The following COL4A6 variants were observed in gnomAD, a reference collection of about 807,000 sequenced individuals.
COL4A6 encodes the protein collagen type IV alpha 6 chain, also known as collagen alpha-6(IV) chain.
In COL4A6, 59 loss-of-function variants were observed where a neutral mutation model predicts 126.7. The ratio of observed to expected loss-of-function variants is 0.47; its 90% CI spans 0.38 to 0.58. The LOEUF is 0.58. COL4A6 is among the 20% of genes least tolerant of loss of function. The pLI is 0.00. For missense variants in COL4A6, 1,285 were observed against 1,337.3 expected (o/e 0.96, Z 0.61); for synonymous variants, 547 against 496.6 (o/e 1.10, Z -1.35).
chrX:108,328,435 AAG>A (rs1188097578), intron 2 of COL4A6, among the ~76,000 whole-genome samples: 1 of 109,755 alleles, frequency 9.1e-6, no homozygotes, highest in East Asian at 2.9e-4. Context: ...GAGGGAGAGA[AAG>A]AGAGAGAGAG....
At chrX:108,421,144 G>A (rs1290031988) in intron 2 of COL4A6, among the ~76,000 whole-genome samples, 1 of 112,111 alleles carries the variant, frequency 8.9e-6, no homozygotes, top group African/African-American at 3.2e-5. Flanking sequence ...AGGACATTGA[G>A]GCAGTATTTG....
At chrX:108,433,255 C>G (rs1384890293) in intron 2 of COL4A6, among the ~76,000 whole-genome samples, 1 of 111,747 alleles carries the variant, frequency 8.9e-6, no homozygotes, top group Non-Finnish European at 1.9e-5. Context: ...GATAATTGCT[C>G]TTAGCTAATT....
At chrX:108,344,051 G>C in intron 2 of COL4A6, among the ~76,000 whole-genome samples, 1 of 110,965 alleles carries the variant, frequency 9.0e-6, no homozygotes, top group Admixed American at 9.6e-5. Context: ...GTTGTAGTTA[G>C]TAAGTATTGT....
intron 3 of COL4A6, among the ~76,000 whole-genome samples, chrX:108,243,646 T>C (rs2036635750): frequency 8.9e-6 from 1 of 111,987 alleles, no homozygotes; most frequent in Non-Finnish European, 1.9e-5. Flanking sequence ...GGCCTGGACA[T>C]TGGGGTTTTT....
At chrX:108,438,079 C>G in intron 1 of COL4A6, 86 bp from the exon 2 acceptor site, 1 of 1,199,291 alleles carries the variant, frequency 8.3e-7, no homozygotes, top group Non-Finnish European at 1.1e-6. Context: ...CTTTTGGATG[C>G]CTGCTCCCAA....
At chrX:108,250,306 A>G (rs759527649) in intron 3 of COL4A6, among the ~76,000 whole-genome samples, 6 of 110,566 alleles carry the variant, frequency 5.4e-5, no homozygotes, top group African/African-American at 1.6e-4. Flanking sequence ...GAAGGGGCCG[A>G]GTGAGAAAAC....
chrX:108,401,013 G>A (rs2148205519), intron 2 of COL4A6, among the ~76,000 whole-genome samples: 1 of 111,320 alleles, frequency 9.0e-6, no homozygotes, highest in Non-Finnish European at 1.9e-5. Context: ...TCAAGGTTTT[G>A]TCTCTCACAT....
At chrX:108,331,732 G>A (rs945921960) in intron 2 of COL4A6, among the ~76,000 whole-genome samples, 4 of 111,468 alleles carry the variant, frequency 3.6e-5, no homozygotes, top group African/African-American at 1.3e-4. Flanking sequence ...AAGGCAGTTT[G>A]GAGACAGAAT....
chrX:108,427,538 C>A (rs1185899970), intron 2 of COL4A6, among the ~76,000 whole-genome samples: 1 of 111,529 alleles, frequency 9.0e-6, no homozygotes, highest in East Asian at 2.8e-4. Context: ...TCCTGTTAAG[C>A]CAACATCACA....
intron 27 of COL4A6, among the ~76,000 whole-genome samples, chrX:108,177,212 C>G (rs1052775610): frequency 8.9e-6 from 1 of 112,591 alleles, no homozygotes; most frequent in South Asian, 3.7e-4. Context: ...CAGAGTGCCA[C>G]GCCAATGGTT....
intron 2 of COL4A6, among the ~76,000 whole-genome samples, chrX:108,330,013 T>C (rs1306674293): frequency 2.7e-5 from 3 of 110,087 alleles, no homozygotes; most frequent in African/African-American, 1.0e-4. Context: ...GAGTTTGAAA[T>C]ATCTGTGAAT....
At chrX:108,184,605 A>T (rs752272099) in intron 23 of COL4A6, among the ~76,000 whole-genome samples, 79 of 112,411 alleles carry the variant, frequency 7.0e-4, no homozygotes, top group Non-Finnish European at 1.0e-3. Flanking sequence ...CCCTCAACTG[A>T]TGGGCTGCCC....
At chrX:108,270,735 C>CA (rs1158475760) in intron 3 of COL4A6, among the ~76,000 whole-genome samples, 1 of 111,907 alleles carries the variant, frequency 8.9e-6, no homozygotes, top group Admixed American at 9.4e-5. Context: ...AAGGTTTACA[C>CA]AAAAAACTGT....
rs765535192 is a variant in COL4A6 at position 108,438,010 on chromosome X, G to A, written c.12-17C>T. 5.0e-6 allele frequency: 6 copies of A among 1,208,687 alleles called. No individual in the cohort carries two copies. The highest frequency in any genetic ancestry group is 6.7e-6 in the Non-Finnish European group (6 of 893,528). On this transcript the variant is annotated splice_polypyrimidine_tract_variant and intron_variant, in intron 1 of 44. Coordinates refer to ENST00000334504, the MANE Select transcript of COL4A6 (RefSeq NM_033641.4). Reference sequence around the variant, plus strand: ...AGCCACAACCTGAAATGGGAGGGAGGGTGAGTAATGGGCTCTCTAGGCTTC... The same window carrying A: ...AGCCACAACCTGAAATGGGAGGGAGAGTGAGTAATGGGCTCTCTAGGCTTC...
At chrX:108,337,621 T>C (rs2039463753) in intron 2 of COL4A6, among the ~76,000 whole-genome samples, 1 of 112,617 alleles carries the variant, frequency 8.9e-6, no homozygotes, top group South Asian at 3.6e-4. Flanking sequence ...AGCTGTGTAA[T>C]CTTGGGCAAG....
chrX:108,316,774 G>C (rs190923538), intron 2 of COL4A6, among the ~76,000 whole-genome samples: 33 of 112,423 alleles, frequency 2.9e-4, no homozygotes, highest in Admixed American at 4.7e-4. Flanking sequence ...TAGGCAAAGG[G>C]AACAGCAAGT....
chrX:108,319,280 G>A lies in COL4A6; in HGVS notation c.64-8452C>T, dbSNP rs753778192. Among the ~76,000 whole-genome samples, 3 of 112,367 alleles carry A rather than the reference G, an allele frequency of 2.7e-5. No individual in the cohort carries two copies. The South Asian group carries it at 1.1e-3, about 42-fold the overall frequency. ...AGCTACTCAGGAGGCTGAGGCAGGA[G>A]GATCACTGGAGCCCAGGAGTTTGAG... On this transcript the variant is annotated intron_variant, in intron 2 of 44. Transcript: ENST00000334504.
intron 37 of COL4A6, among the ~76,000 whole-genome samples, chrX:108,167,849 A>G (rs925381446): frequency 8.9e-6 from 1 of 112,247 alleles, no homozygotes; most frequent in Non-Finnish European, 1.9e-5. Context: ...TTGTGTTTCA[A>G]CCACTCAACT....
intron 29 of COL4A6, 96 bp from the exon 30 acceptor site, chrX:108,175,311 C>G: frequency 3.0e-6 from 3 of 1,007,439 alleles, no homozygotes; most frequent in Non-Finnish European, 3.9e-6. Flanking sequence ...CCACCACAGC[C>G]CTCTTTTGGG....
Sources: gnomAD v4.1 joint callset for allele counts (sites outside exome capture counted in the v4.1 genomes callset) on GRCh38, gnomAD v4.1.1 for gene constraint, MANE v1.5 for transcripts, NCBI Gene and HGNC (gene_info 2026-07-23, HGNC 2026-07-21) for gene names.